TBC1D19: variants seen among roughly 807,000 people sequenced by gnomAD.
TBC1D19 encodes TBC1 domain family, member 19.
Under a neutral mutation model 89.0 loss-of-function variants are expected in TBC1D19, and 60 were observed. The ratio of observed to expected loss-of-function variants is 0.67; its 90% confidence interval spans 0.55 to 0.84. The LOEUF is 0.84. Ranked by LOEUF, TBC1D19 falls within the 40% of genes least tolerant of loss-of-function variation. The pLI is 0.00. For missense variants in TBC1D19, 500 were observed against 610.8 expected, an observed-to-expected ratio of 0.82 and a Z score of 1.91; for synonymous variants, 189 against 199.7, an observed-to-expected ratio of 0.95 and a Z score of 0.45.
At chr4:26,701,832 T>C (rs1715358644) in intron 13 of TBC1D19, among the ~76,000 whole-genome samples, 1 of 152,218 alleles carries the variant, frequency 6.6e-6, no homozygotes, top group Non-Finnish European at 1.5e-5. Context: ...TATGCCATTT[T>C]GATCCAGAAC....
chr4:26,679,121 C>T (rs142273594), intron 11 of TBC1D19, among the ~76,000 whole-genome samples: 1,920 of 152,282 alleles, frequency 0.013, 35 homozygotes, highest in African/African-American at 0.043. Context: ...AATGAGGAGC[C>T]AAATGCTAAT....
the TBC1D19 span, among the ~76,000 whole-genome samples, chr4:26,831,685 C>T: frequency 5.3e-5 from 8 of 150,214 alleles, no homozygotes; most frequent in African/African-American, 1.2e-4. Context: ...TGAGTTCAAG[C>T]GATTCTCCTG....
In TBC1D19 at chr4:26,620,644, C is replaced by T. The variant is rs754878696; in HGVS notation, c.250C>T (p.Pro84Ser). The T allele has an allele frequency of 5.6e-6, 9 of 1,613,668 alleles. No homozygotes were observed. The East Asian group carries it at 1.3e-4, about 24-fold the overall frequency. ...FPLPSHPAAP[P>S]EHLKEPLVYM... ...TTTACCTAGTCATCCTGCTGCACCT[C>T]CTGAACATCTTAAAGAACCTTTGGT... The change falls in exon 4 of 21, where the codon CCT (proline) becomes TCT (serine). Residue 84 changes from proline (P) to serine (S), a missense_variant. Pro to Ser is a moderately conservative substitution (Grantham distance 74, BLOSUM62 -1). This residue lies in a region of TBC1D19 where 280 missense variants were observed against 291.7 expected (regional missense o/e 0.96). Coordinates refer to ENST00000264866, the MANE Select transcript of TBC1D19 (RefSeq NM_018317.4).
chr4:26,843,616 A>G, the TBC1D19 span, among the ~76,000 whole-genome samples: 1 of 152,010 alleles, frequency 6.6e-6, no homozygotes, highest in Non-Finnish European at 1.5e-5. Flanking sequence ...AGTTCCTTCC[A>G]GTTAAAAACA....
intron 16 of TBC1D19, among the ~76,000 whole-genome samples, chr4:26,737,329 C>G (rs1256047012): frequency 1.3e-5 from 2 of 151,576 alleles, no homozygotes; most frequent in African/African-American, 4.8e-5. Flanking sequence ...AAATAGAAAA[C>G]CAAAAAAGAT....
intron 15 of TBC1D19, among the ~76,000 whole-genome samples, chr4:26,732,701 A>G (rs1490915964): frequency 6.6e-6 from 1 of 152,212 alleles, no homozygotes. Context: ...CCTTTAAAAT[A>G]TGTAAAAGCC....
chr4:26,795,099 C>G, the TBC1D19 span, among the ~76,000 whole-genome samples: 1 of 152,172 alleles, frequency 6.6e-6, no homozygotes, highest in African/African-American at 2.4e-5. Context: ...ATGCCAAACT[C>G]CATATGCTGG....
At chr4:26,657,035 CTCTTT>C (rs1577888697) in intron 7 of TBC1D19, among the ~76,000 whole-genome samples, 63 of 103,126 alleles carry the variant, frequency 6.1e-4, no homozygotes, top group East Asian at 1.6e-3. Context: ...TTCTCCTTCT[CTCTTT>C]CTTCTTCCTC....
intron 9 of TBC1D19, among the ~76,000 whole-genome samples, chr4:26,670,748 A>G (rs1386918937): frequency 1.3e-5 from 2 of 151,652 alleles, no homozygotes; most frequent in Admixed American, 6.6e-5. Flanking sequence ...CTCATGGGTA[A>G]AAACTATTCT....
the TBC1D19 span, among the ~76,000 whole-genome samples, chr4:26,818,002 A>G: frequency 1.4e-5 from 2 of 143,944 alleles, no homozygotes; most frequent in Admixed American, 6.9e-5. Flanking sequence ...ATATATATAT[A>G]TGAATAGTAT....
chr4:26,666,080 A>C (rs1384680021), intron 8 of TBC1D19, among the ~76,000 whole-genome samples: 1 of 151,956 alleles, frequency 6.6e-6, no homozygotes, highest in East Asian at 1.9e-4. Flanking sequence ...TATCTTTTCT[A>C]TTCATGATTA....
At chr4:26,596,364 T>C (rs1327132057) in intron 1 of TBC1D19, among the ~76,000 whole-genome samples, 2 of 152,198 alleles carry the variant, frequency 1.3e-5, no homozygotes, top group Non-Finnish European at 2.9e-5. Flanking sequence ...ATTTAAATTG[T>C]ATAAATTATT....
chr4:26,840,294 A>C, the TBC1D19 span, among the ~76,000 whole-genome samples: 1 of 152,004 alleles, frequency 6.6e-6, no homozygotes, highest in Non-Finnish European at 1.5e-5. Context: ...GTTGGCCAGG[A>C]TGGTCTCAAA....
In TBC1D19 at chr4:26,753,901, G is replaced by A; in HGVS notation, c.1506+11G>A. 6.2e-7 allele frequency: 1 copy of A among 1,613,714 alleles called. No homozygotes were observed. The highest frequency in any genetic ancestry group is 8.5e-7 in the Non-Finnish European group (1 of 1,179,736). ...CTGGCTGCAGCTGAAGTAAGGATAAGTTTCACTCAGATGGGATGGAAATAG... is the reference window on the plus strand; with the variant it reads ...CTGGCTGCAGCTGAAGTAAGGATAAATTTCACTCAGATGGGATGGAAATAG... On this transcript the variant is annotated intron_variant, in intron 20 of 20. Transcript: ENST00000264866.
chr4:26,628,791 C>T lies in TBC1D19; in HGVS notation c.294+8103C>T, dbSNP rs566363123. ...CAAAGAGAATAAAATACCTAGGAATCCAACTTACAAGGGATGTGAAGGACC... is the reference window on the plus strand; with the variant it reads ...CAAAGAGAATAAAATACCTAGGAATTCAACTTACAAGGGATGTGAAGGACC... On this transcript the variant is annotated intron_variant, in intron 4 of 20. Coordinates refer to ENST00000264866, the MANE Select transcript of TBC1D19 (RefSeq NM_018317.4). 2.8e-3 allele frequency among the ~76,000 whole-genome samples: 422 copies of T among 151,846 alleles called. 1 individual carries two copies. Among genetic ancestry groups the T allele is most frequent in the Non-Finnish European group, 4.5e-3 (304 of 67,904 alleles).
intron 14 of TBC1D19, among the ~76,000 whole-genome samples, chr4:26,718,515 A>T (rs1167793825): frequency 6.6e-6 from 1 of 152,142 alleles, no homozygotes; most frequent in Admixed American, 6.6e-5. Context: ...AATTAACTTC[A>T]GCTGAATGCC....
chr4:26,707,567 T>C (rs1001061291), intron 13 of TBC1D19, among the ~76,000 whole-genome samples: 1 of 152,036 alleles, frequency 6.6e-6, no homozygotes, highest in African/African-American at 2.4e-5. Flanking sequence ...CTCATTTTTC[T>C]ATTTGTTTTC....
intron 1 of TBC1D19, among the ~76,000 whole-genome samples, chr4:26,606,569 A>G (rs1317030349): frequency 6.6e-6 from 1 of 152,236 alleles, no homozygotes; most frequent in Non-Finnish European, 1.5e-5. Context: ...AATAGTTCAG[A>G]GATGGAATTG....
chr4:26,855,567 C>G, the TBC1D19 span, among the ~76,000 whole-genome samples: 8 of 152,090 alleles, frequency 5.3e-5, no homozygotes, highest in Admixed American at 6.6e-5. Context: ...TACTTATGGC[C>G]ATTTTTTTTA....
Sources: gnomAD v4.1 joint callset for allele counts (sites outside exome capture counted in the v4.1 genomes callset) on GRCh38, gnomAD v4.1.1 for gene constraint, gnomAD v4.1.1 regional missense constraint, MANE v1.5 for transcripts, NCBI Gene and HGNC (gene_info 2026-07-23, HGNC 2026-07-21) for gene names.